Variants in SMCO4 observed in about 807,000 individuals in gnomAD.
SMCO4 encodes the protein single-pass membrane and coiled-coil domain-containing protein 4.
In SMCO4, 4 loss-of-function variants were observed where a neutral mutation model predicts 3.6. The observed-to-expected ratio is 1.11, with a 90% CI of 0.54 to 2.53. The LOEUF is 2.53. Among genes scored for constraint, SMCO4 ranks in the 30% most tolerant of loss-of-function variants. The probability of loss-of-function intolerance (pLI) is 0.02; values close to 1 mark genes in which losing one functional copy is unlikely to be tolerated. For missense variants in SMCO4, 70 were observed against 80.8 expected (o/e 0.87, Z 0.51); for synonymous variants, 36 against 35.3 (o/e 1.02, Z -0.07).
intron 1 of SMCO4, among the ~76,000 whole-genome samples, chr11:93,513,753 C>T (rs1006252803): frequency 6.6e-6 from 1 of 152,116 alleles, no homozygotes; most frequent in Non-Finnish European, 1.5e-5. Flanking sequence ...AACCAAGATA[C>T]TATATAGAGA....
chr11:93,505,820 C>T (rs114213710), intron 1 of SMCO4, among the ~76,000 whole-genome samples: 2 of 151,780 alleles, frequency 1.3e-5, no homozygotes, highest in South Asian at 2.1e-4. Context: ...CTAAACTCTT[C>T]GTTTGTTAAA....
At chr11:93,515,230 C>T (rs1307132702) in intron 1 of SMCO4, among the ~76,000 whole-genome samples, 9 of 152,126 alleles carry the variant, frequency 5.9e-5, no homozygotes, top group Admixed American at 3.3e-4. Flanking sequence ...AAGTGGAGCG[C>T]GTTATTGGCA....
At chr11:93,551,243 T>C in the SMCO4 span, among the ~76,000 whole-genome samples, 1 of 152,340 alleles carries the variant, frequency 6.6e-6, no homozygotes, top group African/African-American at 2.4e-5. Context: ...GAAAGTTTTA[T>C]AAAGAGAACA....
At chr11:93,534,904 G>A (rs1949205002) in intron 1 of SMCO4, among the ~76,000 whole-genome samples, 1 of 152,198 alleles carries the variant, frequency 6.6e-6, no homozygotes, top group South Asian at 2.1e-4. Context: ...AGAGCATCCT[G>A]CTAAGGGTCA....
rs76722870 is a variant in SMCO4, at chr11:93,483,054, G to A, written c.-80-3785C>T. Among the ~76,000 whole-genome samples, 1,231 of 152,278 alleles carry A rather than the reference G, an allele frequency of 8.1e-3. 17 individuals are homozygous for A. The highest frequency in any genetic ancestry group is 0.028 in the African/African-American group (1,174 of 41,544). ...ACAGACCTGCCTTCGAGAGGCAAAG[G>A]ACCCTTTGAACTCAACAAGAGGAGG... On this transcript the variant is annotated intron_variant, in intron 2 of 2. Coordinates refer to ENST00000298966, the MANE Select transcript of SMCO4 (RefSeq NM_020179.3).
chr11:93,495,145 C>A (rs1036410459), intron 2 of SMCO4, among the ~76,000 whole-genome samples: 22 of 152,038 alleles, frequency 1.4e-4, no homozygotes, highest in Admixed American at 3.9e-4. Flanking sequence ...TCTTTCAAGA[C>A]CCATCTCAAG....
chr11:93,507,968 A>G (rs1278193055), intron 1 of SMCO4, among the ~76,000 whole-genome samples: 5 of 152,264 alleles, frequency 3.3e-5, no homozygotes, highest in Non-Finnish European at 1.5e-5. Flanking sequence ...TGCTTTGGAA[A>G]TATTTACTTT....
intron 2 of SMCO4, among the ~76,000 whole-genome samples, chr11:93,484,122 C>A (rs1017987466): frequency 1.3e-5 from 2 of 152,182 alleles, no homozygotes; most frequent in African/African-American, 4.8e-5. Context: ...GCTCCTACCC[C>A]CCACCAGCAC....
the SMCO4 span, among the ~76,000 whole-genome samples, chr11:93,551,223 G>A: frequency 6.6e-6 from 1 of 152,090 alleles, no homozygotes; most frequent in Non-Finnish European, 1.5e-5. Flanking sequence ...GAAAGAACAA[G>A]GTTCTATGAG....
chr11:93,507,434 TATTTTCAGCTTTAGAGC>T (rs1336240310), intron 1 of SMCO4, among the ~76,000 whole-genome samples: 1 of 152,166 alleles, frequency 6.6e-6, no homozygotes, highest in Non-Finnish European at 1.5e-5. Flanking sequence ...CTGTATCCAG[TATTTTCAGCTTTAGAGC>T]ATCTCAATAC....
intron 1 of SMCO4, among the ~76,000 whole-genome samples, chr11:93,502,296 TG>T (rs1211612299): frequency 6.6e-6 from 1 of 152,160 alleles, no homozygotes; most frequent in Non-Finnish European, 1.5e-5. Flanking sequence ...AGCATTACCC[TG>T]CTACTAACAA....
At chr11:93,490,619 C>T (rs930211010) in intron 2 of SMCO4, among the ~76,000 whole-genome samples, 2 of 152,198 alleles carry the variant, frequency 1.3e-5, no homozygotes, top group Non-Finnish European at 2.9e-5. Flanking sequence ...GGCTGCCTCT[C>T]GCAGACTTCA....
At chr11:93,509,070 A>G (rs749836817) in intron 1 of SMCO4, among the ~76,000 whole-genome samples, 2 of 152,054 alleles carry the variant, frequency 1.3e-5, no homozygotes, top group Non-Finnish European at 2.9e-5. Context: ...TAGGCAATTT[A>G]CTTCAGCCCA....
intron 2 of SMCO4, among the ~76,000 whole-genome samples, chr11:93,480,756 G>A (rs970276741): frequency 2.6e-5 from 4 of 152,138 alleles, no homozygotes; most frequent in Non-Finnish European, 4.4e-5. Context: ...CTAAGTGACC[G>A]AGGTGGTAGA....
upstream of SMCO4, among the ~76,000 whole-genome samples, chr11:93,547,276 G>A (rs908431225): frequency 6.6e-6 from 1 of 152,168 alleles, no homozygotes; most frequent in Non-Finnish European, 1.5e-5. Flanking sequence ...TTGGCCACAT[G>A]CCTACCCTCA....
At chr11:93,531,103 G>T (rs936056815) in intron 1 of SMCO4, among the ~76,000 whole-genome samples, 2 of 152,184 alleles carry the variant, frequency 1.3e-5, no homozygotes, top group African/African-American at 4.8e-5. Flanking sequence ...GATGTTTTCT[G>T]GATACAATTA....
chr11:93,542,803 A>C, intron 1 of SMCO4, among the ~76,000 whole-genome samples: 1 of 143,716 alleles, frequency 7.0e-6, no homozygotes, highest in Non-Finnish European at 1.5e-5. Flanking sequence ...ACTCTTGTCC[A>C]CTCCCAGAGA....
At chr11:93,539,347 C>G (rs1591332186) in intron 1 of SMCO4, among the ~76,000 whole-genome samples, 1 of 150,792 alleles carries the variant, frequency 6.6e-6, no homozygotes, top group African/African-American at 2.4e-5. Flanking sequence ...TGAAAGAAAC[C>G]AAAATTAACT....
chr11:93,481,324 G>C, intron 2 of SMCO4: 3 of 515,560 alleles, frequency 5.8e-6, no homozygotes, highest in Non-Finnish European at 7.5e-6. Flanking sequence ...CGCCCGCAGG[G>C]ACGCGGTACA....
Sources: allele counts gnomAD v4.1 joint callset (sites outside exome capture counted in the v4.1 genomes callset), GRCh38; gene constraint gnomAD v4.1.1; transcripts MANE v1.5; gene names NCBI Gene and HGNC (gene_info 2026-07-23, HGNC 2026-07-21).